The following DCHS2 variants were observed in gnomAD, a reference collection of about 807,000 sequenced individuals.
The protein encoded by DCHS2 is dachsous cadherin-related 2.
Under a neutral mutation model 182.4 loss-of-function variants are expected in DCHS2, and 142 were observed. The observed-to-expected ratio is 0.78, with a 90% CI of 0.68 to 0.89. DCHS2 has a LOEUF of 0.89. Among genes scored for constraint, DCHS2 ranks in the 40% least tolerant of loss-of-function variants. The pLI is 0.00. For missense variants in DCHS2, 4,319 were observed against 4,198.6 expected, an observed-to-expected ratio of 1.03 and a Z score of -0.79; for synonymous variants, 1,740 against 1,663.3, an observed-to-expected ratio of 1.05 and a Z score of -1.12.
chr4:154,235,726 C>CAAAA lies in DCHS2; in HGVS notation c.8922_8925dup (p.Val2976PhefsTer9). 1 of 1,613,900 alleles carries CAAAA rather than the reference C, an allele frequency of 6.2e-7. No homozygotes were observed. Reference sequence around the variant, plus strand: ...CCTTCAGAGGAGAAAGACACATTCACAAAAACAGTGCAAGATGCAAACTTG... The same window carrying CAAAA: ...CCTTCAGAGGAGAAAGACACATTCACAAAAAAAAACAGTGCAAGATGCAAACTTG... On this transcript the variant is annotated frameshift_variant, in exon 20 of 20. Coordinates refer to ENST00000357232, the MANE Select transcript of DCHS2 (RefSeq NM_001358235.2). LOFTEE classifies it low-confidence loss of function (END_TRUNC).
At chr4:154,346,959 AC>A (rs1225974048) in intron 3 of DCHS2, among the ~76,000 whole-genome samples, 2 of 151,708 alleles carry the variant, frequency 1.3e-5, no homozygotes, top group East Asian at 3.8e-4. Context: ...ACTCTTGTGA[AC>A]CTGCTTAGGA....
intron 3 of DCHS2, among the ~76,000 whole-genome samples, chr4:154,365,109 C>G (rs1457866035): frequency 6.6e-6 from 1 of 152,054 alleles, no homozygotes; most frequent in Non-Finnish European, 1.5e-5. Flanking sequence ...TTCTAAAAGA[C>G]AGCTTGCCCA....
chr4:154,351,666 G>A (rs1729620246), intron 3 of DCHS2, among the ~76,000 whole-genome samples: 1 of 152,140 alleles, frequency 6.6e-6, no homozygotes, highest in Non-Finnish European at 1.5e-5. Flanking sequence ...AATGGTTTCA[G>A]GATAAAAGTG....
intron 1 of DCHS2, among the ~76,000 whole-genome samples, chr4:154,396,789 T>C (rs1731944270): frequency 6.6e-6 from 1 of 152,154 alleles, no homozygotes. Context: ...TTTATTTGAA[T>C]ACAAAGGCCC....
chr4:154,300,725 AGAAAAT>A (rs1477826732), intron 12 of DCHS2, among the ~76,000 whole-genome samples: 1 of 152,022 alleles, frequency 6.6e-6, no homozygotes, highest in Admixed American at 6.6e-5. Flanking sequence ...AAAAAAGAAA[AGAAAAT>A]GAAAATGGGA....
intron 10 of DCHS2, among the ~76,000 whole-genome samples, chr4:154,306,988 A>G (rs926361240): frequency 6.6e-6 from 1 of 152,174 alleles, no homozygotes; most frequent in Non-Finnish European, 1.5e-5. Flanking sequence ...TATCCCTAAG[A>G]TAACAATACA....
At chr4:154,398,319 G>T (rs1732018865) in intron 1 of DCHS2, among the ~76,000 whole-genome samples, 1 of 152,220 alleles carries the variant, frequency 6.6e-6, no homozygotes, top group Admixed American at 6.5e-5. Context: ...AAGTTAATTA[G>T]CCACTTCCCA....
Position 154,490,011 on chromosome 4 carries a change from C to G in DCHS2, c.1345G>C (p.Glu449Gln). The change falls in exon 1 of 20, where the codon GAG (glutamate) becomes CAG (glutamine). Residue 449 changes from glutamate to glutamine, a missense_variant. Glu to Gln is a conservative substitution (Grantham distance 29, BLOSUM62 2). Transcript: ENST00000357232. ...VSVSDADGDW[E>Q]KEDEATGELG... ...TCCCCTGTGGCCTCATCTTCCTTCT[C>G]CCAGTCACCGTCCGCGTCAGACACC... The G allele has an allele frequency of 1.3e-6, 2 of 1,548,956 alleles. No homozygotes were observed. The highest frequency in any genetic ancestry group is 1.7e-6 in the Non-Finnish European group (2 of 1,146,938).
At chr4:154,280,854 G>T (rs1329052329) in intron 13 of DCHS2, among the ~76,000 whole-genome samples, 8 of 148,714 alleles carry the variant, frequency 5.4e-5, no homozygotes, top group African/African-American at 2.0e-4. Flanking sequence ...TAAAGACAGA[G>T]TCTTACTCTG....
At chr4:154,374,006 A>ACC in intron 2 of DCHS2, 1 of 371,658 alleles carries the variant, frequency 2.7e-6, no homozygotes, top group South Asian at 5.4e-5. Flanking sequence ...TAATAGCAAA[A>ACC]AAAAAAAAAA....
chr4:154,283,202 A>T (rs1373491115), intron 13 of DCHS2, among the ~76,000 whole-genome samples: 2 of 152,078 alleles, frequency 1.3e-5, no homozygotes, highest in Admixed American at 1.3e-4. Context: ...AAATGCATTG[A>T]TTTTTTTCTA....
At chr4:154,482,286 T>A (rs1339458547) in intron 1 of DCHS2, among the ~76,000 whole-genome samples, 1 of 152,264 alleles carries the variant, frequency 6.6e-6, no homozygotes, top group Non-Finnish European at 1.5e-5. Context: ...TGTATAACAT[T>A]AAGAAATGAG....
chr4:154,235,189 C>T lies in DCHS2; in HGVS notation c.9463G>A (p.Ala3155Thr). ...LSGETDVMVT[A>T]ETAEASQTFG... ...GTTTGGCTGGCTTCTGCTGTTTCGG[C>T]AGTCACCATCACATCAGTTTCCCCA... Residue 3155 changes from alanine to threonine, a missense_variant, in exon 20 of 20, where the codon GCC (alanine) becomes ACC (threonine). Coordinates refer to ENST00000357232, the MANE Select transcript of DCHS2 (RefSeq NM_001358235.2). 1 of 1,614,072 alleles carries T rather than the reference C, an allele frequency of 6.2e-7. No individual in the cohort carries two copies. Among genetic ancestry groups the T allele is most frequent in the South Asian group, 1.1e-5 (1 of 91,084 alleles).
rs186864568 is a variant in DCHS2, at chr4:154,457,343, T to G, written c.2052+31961A>C. 5.2e-3 allele frequency among the ~76,000 whole-genome samples: 786 copies of G among 152,306 alleles called. 6 individuals are homozygous for G. Among genetic ancestry groups the G allele is most frequent in the Middle Eastern group, 0.014 (4 of 294 alleles). ...GTCTAACTTTTCTAAATCCATCAAG[T>G]CGTGCAAATCATTTTCATGTCTATT... On this transcript the variant is annotated intron_variant, in intron 1 of 19. Coordinates refer to ENST00000357232, the MANE Select transcript of DCHS2 (RefSeq NM_001358235.2).
chr4:154,344,672 T>C (rs190231330), intron 3 of DCHS2, among the ~76,000 whole-genome samples: 2 of 152,290 alleles, frequency 1.3e-5, no homozygotes, highest in African/African-American at 2.4e-5. Context: ...AAAGGCAGTA[T>C]TGCTACCTCT....
In DCHS2 at chr4:154,333,356, T is replaced by A. The variant is rs1166427638; in HGVS notation, c.2852A>T (p.Gln951Leu). ...GGCTGGGGCGCTGCCGAGCTGCGCC[T>A]GCACCGTGAGCACAACCACGGGCTG... ...ETQPVVVLTV[Q>L]AQLGSAPACS... The change falls in exon 5 of 20, where the codon CAG (glutamine) becomes CTG (leucine). Residue 951 changes from glutamine to leucine, a missense_variant. Transcript: ENST00000357232. The A allele has an allele frequency of 6.2e-7, 1 of 1,614,178 alleles. No homozygotes were observed.
chr4:154,236,480 C>A lies in DCHS2; in HGVS notation c.8172G>T (p.Leu2724Phe), dbSNP rs777207553. ...TTTTTTCATAATCCAGAGGTTTAATCAAATAAAGAACTCCAGTGTTTTCTT... is the reference window on the plus strand; with the variant it reads ...TTTTTTCATAATCCAGAGGTTTAATAAAATAAAGAACTCCAGTGTTTTCTT... Reference protein sequence around the residue: ...YLEENTGVLYLIKPLDYEKMT... With the variant: ...YLEENTGVLYFIKPLDYEKMT... Residue 2724 changes from leucine (L) to phenylalanine (F), a missense_variant, in exon 20 of 20, where the codon TTG becomes TTT. Transcript: ENST00000357232. The A allele has an allele frequency of 6.2e-7, 1 of 1,613,976 alleles. No homozygotes were observed. Among genetic ancestry groups the A allele is most frequent in the East Asian group, 2.2e-5 (1 of 44,862 alleles).
At chr4:154,440,808 A>G (rs1439491190) in intron 1 of DCHS2, among the ~76,000 whole-genome samples, 4 of 152,150 alleles carry the variant, frequency 2.6e-5, no homozygotes, top group Non-Finnish European at 5.9e-5. Context: ...AGATATAAAG[A>G]GAGGCATTTA....
At chr4:154,369,216 A>G in intron 2 of DCHS2, among the ~76,000 whole-genome samples, 1 of 152,286 alleles carries the variant, frequency 6.6e-6, no homozygotes, top group Admixed American at 6.5e-5. Flanking sequence ...CATCTTTACA[A>G]AAAAGGTAGA....
Sources: gnomAD v4.1 joint callset for allele counts (sites outside exome capture counted in the v4.1 genomes callset) on GRCh38, gnomAD v4.1.1 for gene constraint, MANE v1.5 for transcripts, NCBI Gene and HGNC (gene_info 2026-07-23, HGNC 2026-07-21) for gene names.